Variants in COL27A1 observed in about 807,000 individuals in gnomAD.
COL27A1 encodes the protein collagen type XXVII alpha 1 chain.
A neutral mutation model predicts 251.3 loss-of-function variants in COL27A1; 106 were observed. That is an observed-to-expected ratio of 0.42 (90% confidence interval 0.36 to 0.50). COL27A1 has a LOEUF of 0.50. Ranked by LOEUF, COL27A1 falls within the 20% of genes least tolerant of loss-of-function variation. The pLI, the probability that COL27A1 is intolerant of heterozygous loss-of-function variation, is 0.00. For synonymous variants in COL27A1, 1,000 were observed against 986.3 expected (o/e 1.01, Z -0.26); for missense variants, 2,325 against 2,522.8 (o/e 0.92, Z 1.68).
chr9:114,300,763 C>T, intron 51 of COL27A1, 76 bp downstream of exon 51: 5 of 1,217,390 alleles, frequency 4.1e-6, no homozygotes, highest in Non-Finnish European at 5.6e-6. Context: ...GCTGGCCTGT[C>T]TTCATCCTCC....
rs777006840 is a variant in COL27A1 at position 114,222,248 on chromosome 9, C to A, written c.2447C>A (p.Pro816His). 5 of 1,613,776 alleles carry A rather than the reference C, an allele frequency of 3.1e-6. No individual in the cohort carries two copies. The highest frequency in any genetic ancestry group is 4.2e-6 in the Non-Finnish European group (5 of 1,179,716). Residue 816 changes from proline to histidine, a missense_variant, in exon 14 of 61, where the codon CCT becomes CAT. Around this residue, in one of 4 missense-constraint regions of COL27A1, gnomAD observed 1,183 missense variants for 1,144.1 expected, o/e 1.03. Transcript: ENST00000356083. ...NPGELGLPGP[P>H]GVPGLIGDLG... is the part of the protein sequence containing the mutation. The stretch of plus-strand genomic sequence containing the variant: ...GGAGAACTGGGCCTGCCAGGCCCCC[C>A]TGGAGTCCCCGGCCTCATTGTAAGT...
chr9:114,281,544 A>G (rs1041932370), intron 37 of COL27A1, among the ~76,000 whole-genome samples: 3 of 152,214 alleles, frequency 2.0e-5, no homozygotes, highest in African/African-American at 7.2e-5. Flanking sequence ...TTTCCAGCAC[A>G]ATTCCCTACT....
intron 14 of COL27A1, among the ~76,000 whole-genome samples, chr9:114,226,943 T>G (rs1831511715): frequency 1.3e-5 from 2 of 152,158 alleles, no homozygotes; most frequent in Admixed American, 6.5e-5. Context: ...CTCTGAGGCC[T>G]GACAGCAGGG....
chr9:114,199,405 T>C (rs955263791), intron 7 of COL27A1, among the ~76,000 whole-genome samples: 10 of 152,120 alleles, frequency 6.6e-5, no homozygotes, highest in Non-Finnish European at 1.3e-4. Flanking sequence ...ATAGAAACCC[T>C]GGCCCCATCC....
intron 34 of COL27A1, among the ~76,000 whole-genome samples, chr9:114,268,009 G>A (rs1198402211): frequency 6.6e-6 from 1 of 152,194 alleles, no homozygotes; most frequent in African/African-American, 2.4e-5. Flanking sequence ...GGGCCCAGGG[G>A]AGCCCGCAGA....
At chr9:114,261,793 A>G (rs1834358890) in intron 28 of COL27A1, among the ~76,000 whole-genome samples, 1 of 152,170 alleles carries the variant, frequency 6.6e-6, no homozygotes, top group Admixed American at 6.5e-5. Flanking sequence ...CTTGGTCTCA[A>G]ATTCTGGCTC....
chr9:114,245,980 C>T (rs1238818410), intron 24 of COL27A1, 70 bp downstream of exon 24: 2 of 1,371,906 alleles, frequency 1.5e-6, no homozygotes, highest in Non-Finnish European at 2.1e-6. Flanking sequence ...AAGCCCTTTG[C>T]CCAGCACCCT....
chr9:114,301,016 G>A lies in COL27A1; in HGVS notation c.4702-56G>A, dbSNP rs983974001. ...CGGGCTGCCCTCCACCCCGCTCCCC[G>A]TGTCTGTTCCCCAGGCCCTGGAACA... is the stretch of plus-strand genomic sequence containing the variant. On this transcript the variant is annotated intron_variant, in intron 51 of 60. Coordinates refer to ENST00000356083, the MANE Select transcript of COL27A1 (RefSeq NM_032888.4). 1.8e-5 allele frequency: 27 copies of A among 1,535,498 alleles called. No individual in the cohort carries two copies. In the South Asian group the frequency reaches 1.9e-4, roughly 11 times the overall value.
rs34482323 is a variant in COL27A1, at chr9:114,160,684, G to GA, written c.63-2018dup. 1.6e-3 allele frequency among the ~76,000 whole-genome samples: 220 copies of GA among 134,404 alleles called. 1 individual carries two copies. Among genetic ancestry groups the GA allele is most frequent in the East Asian group, 0.013 (56 of 4,346 alleles). 88.2% of individuals were successfully genotyped at this position (134,404 alleles called of 152,430 possible). A position where few individuals can be genotyped will look rare whatever the true frequency, so the allele number is the denominator to read the frequency against. On this transcript the variant is annotated intron_variant, in intron 1 of 60. Transcript: ENST00000356083. ...GAGACTCTGTCTCAAAAAAAAAAATGAAAAAAAAAAAAAGAGTGAATAAGA... is the reference window on the plus strand; with the variant it reads ...GAGACTCTGTCTCAAAAAAAAAAATGAAAAAAAAAAAAAAGAGTGAATAAGA...
intron 28 of COL27A1, among the ~76,000 whole-genome samples, 163 bp downstream of exon 28, chr9:114,258,757 CTA>C (rs2135561683): frequency 6.6e-6 from 1 of 152,380 alleles, no homozygotes; most frequent in African/African-American, 2.4e-5. Context: ...GGACCTGTCT[CTA>C]GGGGTGGGAC....
intron 5 of COL27A1, among the ~76,000 whole-genome samples, chr9:114,188,632 A>G (rs1828545782): frequency 6.6e-6 from 1 of 152,206 alleles, no homozygotes; most frequent in Non-Finnish European, 1.5e-5. Flanking sequence ...ATATACATAC[A>G]CAGGCATACA....
chr9:114,162,608 G>A, intron 1 of COL27A1, 107 bp from the exon 2 acceptor site: 1 of 798,236 alleles, frequency 1.3e-6, no homozygotes, highest in Non-Finnish European at 2.2e-6. Context: ...CCGTGGGCAG[G>A]ACTGGGGTGA....
At chr9:114,284,649 C>A in intron 40 of COL27A1, 75 bp from the exon 41 acceptor site, 3 of 1,488,804 alleles carry the variant, frequency 2.0e-6, no homozygotes, top group South Asian at 1.1e-5. Context: ...AGCCCAGTAT[C>A]CCCATCTTGG....
At chr9:114,252,972 T>A in intron 27 of COL27A1, 40 bp downstream of exon 27, 1 of 1,558,246 alleles carries the variant, frequency 6.4e-7, no homozygotes, top group Non-Finnish European at 8.8e-7. Context: ...CAAACCACTG[T>A]CAGATAAGGG....
At chr9:114,304,421 T>C in intron 56 of COL27A1, 187 bp from the exon 57 acceptor site, 1 of 621,048 alleles carries the variant, frequency 1.6e-6, no homozygotes, top group East Asian at 2.7e-5. Flanking sequence ...GAGCTATTAG[T>C]ACCTGGGGAA....
intron 60 of COL27A1, 116 bp downstream of exon 60, chr9:114,309,594 TTAA>T (rs1446029465): frequency 1.4e-6 from 1 of 735,964 alleles, no homozygotes; most frequent in African/African-American, 1.8e-5. Flanking sequence ...GTATACTATA[TTAA>T]TGTGATAGAT....
rs117878810 is a variant in COL27A1, at chr9:114,161,310, G to T, written c.63-1405G>T. On this transcript the variant is annotated intron_variant, in intron 1 of 60. Coordinates refer to ENST00000356083, the MANE Select transcript of COL27A1 (RefSeq NM_032888.4). ...CCTCACCTCTTATTGGCCTCATTTG[G>T]GTCATATATGCATGCCTAAACCAGT... is the stretch of plus-strand genomic sequence containing the variant. Among the ~76,000 whole-genome samples the T allele has an allele frequency of 2.5e-4, 38 of 152,160 alleles. No individual in the cohort carries two copies. The East Asian group carries it at 7.1e-3, about 29-fold the overall frequency.
At chr9:114,235,215 G>T (rs1052923103) in intron 16 of COL27A1, among the ~76,000 whole-genome samples, 1 of 152,198 alleles carries the variant, frequency 6.6e-6, no homozygotes, top group Admixed American at 6.5e-5. Context: ...TGGTGTGGGG[G>T]CCCTTGCACA....
chr9:114,168,141 T>G lies in COL27A1; in HGVS notation c.586T>G (p.Ser196Ala). Reference sequence around the variant, plus strand: ...GGACCCTGCACTCGACCCTGGGGGCTCCTTCCTCTTTGGGAAGATGAACCC... The same window carrying G: ...GGACCCTGCACTCGACCCTGGGGGCGCCTTCCTCTTTGGGAAGATGAACCC... ...HRDPALDPGG[S>A]FLFGKMNPHA... Residue 196 changes from serine to alanine, a missense_variant, in exon 3 of 61, where the codon TCC (serine) becomes GCC (alanine). Coordinates refer to ENST00000356083, the MANE Select transcript of COL27A1 (RefSeq NM_032888.4). The G allele has an allele frequency of 6.2e-7, 1 of 1,613,236 alleles. No homozygotes were observed. Among genetic ancestry groups the G allele is most frequent in the Non-Finnish European group, 8.5e-7 (1 of 1,180,018 alleles).
Sources: gnomAD v4.1 joint callset for allele counts (sites outside exome capture counted in the v4.1 genomes callset) on GRCh38, gnomAD v4.1.1 for gene constraint, gnomAD v4.1.1 regional missense constraint, MANE v1.5 for transcripts, NCBI Gene and HGNC (gene_info 2026-07-23, HGNC 2026-07-21) for gene names.